The following EPB41L5 variants were observed in gnomAD, a reference collection of about 807,000 sequenced individuals.
The protein encoded by EPB41L5 is erythrocyte membrane protein band 4.1 like 5, also known as band 4.1-like protein 5.
In EPB41L5, 55 loss-of-function variants were observed where a neutral mutation model predicts 106.6. The ratio of observed to expected loss-of-function variants is 0.52; its 90% CI spans 0.42 to 0.65. The LOEUF is 0.65. Among genes scored for constraint, EPB41L5 ranks in the 30% least tolerant of loss-of-function variants. The pLI is 0.00. For missense variants in EPB41L5, 871 were observed against 882.1 expected, an observed-to-expected ratio of 0.99 and a Z score of 0.16; for synonymous variants, 297 against 306.7, an observed-to-expected ratio of 0.97 and a Z score of 0.33.
chr2:120,050,697 G>T (rs558730853), intron 3 of EPB41L5, among the ~76,000 whole-genome samples: 39 of 152,338 alleles, frequency 2.6e-4, no homozygotes, highest in African/African-American at 9.1e-4. Flanking sequence ...TCCGTTTGTG[G>T]CGAGGAGCTG....
At chr2:120,031,732 CTAAT>C (rs374897144) in intron 2 of EPB41L5, among the ~76,000 whole-genome samples, 19 of 152,104 alleles carry the variant, frequency 1.2e-4, no homozygotes, top group African/African-American at 4.6e-4. Context: ...TGGCTTTACA[CTAAT>C]TAGAATTATG....
chr2:120,141,258 T>C (rs59179868), intron 18 of EPB41L5, among the ~76,000 whole-genome samples: 1 of 152,090 alleles, frequency 6.6e-6, no homozygotes, highest in Non-Finnish European at 1.5e-5. Flanking sequence ...CAGGAAACTT[T>C]AGCCCTGTCT....
intron 18 of EPB41L5, among the ~76,000 whole-genome samples, chr2:120,138,426 T>G (rs1455307798): frequency 1.3e-5 from 2 of 151,894 alleles, no homozygotes; most frequent in Non-Finnish European, 2.9e-5. Context: ...ATGATACTAT[T>G]TTATATTTGG....
In EPB41L5 at chr2:120,056,763, T is replaced by A. The variant is rs11889249; in HGVS notation, c.285+14653T>A. On this transcript the variant is annotated intron_variant, in intron 3 of 24. Transcript: ENST00000263713. ...CCTCTTGTATTTTTTTGGAAAATCTTGTGAAGGATTAGTGTTAATTCTTTC... is the reference window on the plus strand; with the variant it reads ...CCTCTTGTATTTTTTTGGAAAATCTAGTGAAGGATTAGTGTTAATTCTTTC... Among the ~76,000 whole-genome samples, 1,181 of 152,260 alleles carry A rather than the reference T, an allele frequency of 7.8e-3. 12 individuals carry two copies. Among genetic ancestry groups the A allele is most frequent in the African/African-American group, 0.026 (1,085 of 41,558 alleles).
In EPB41L5 at chr2:120,049,115, G is replaced by T. The variant is rs184186995; in HGVS notation, c.285+7005G>T. Among the ~76,000 whole-genome samples the T allele has an allele frequency of 1.2e-4, 18 of 152,290 alleles. No individual in the cohort carries two copies. The East Asian group carries it at 1.9e-3, about 16-fold the overall frequency. On this transcript the variant is annotated intron_variant, in intron 3 of 24. Transcript: ENST00000263713. ...TCAGTTTTGGAGTAAGTGTGATGTG[G>T]TGCTGAGAAGAATGTATATTCTGCT... is the stretch of plus-strand genomic sequence containing the variant.
At chr2:120,083,263 C>A (rs1322134566) in intron 10 of EPB41L5, among the ~76,000 whole-genome samples, 1 of 152,186 alleles carries the variant, frequency 6.6e-6, no homozygotes, top group Non-Finnish European at 1.5e-5. Flanking sequence ...TTTCCCCCTA[C>A]ACACTGCTTT....
rs1684491706 is a variant in EPB41L5 at position 120,106,987 on chromosome 2, T to G, written c.1337+6173T>G. 4.6e-6 allele frequency: 4 copies of G among 868,272 alleles called. No individual in the cohort carries two copies. The African/African-American group carries it at 7.3e-5, about 16-fold the overall frequency. The allele number at this position is 868,272 out of a possible 1,614,324, so 53.8% of individuals were successfully genotyped here. A position where few individuals can be genotyped will look rare whatever the true frequency, so the allele number is the denominator to read the frequency against. ...CACTAATATTGTAATACCAGTATAA[T>G]TCAAATCATCTTTTTTTTTTTGGAG... On this transcript the variant is annotated intron_variant, in intron 16 of 24. Coordinates refer to ENST00000263713, the MANE Select transcript of EPB41L5 (RefSeq NM_020909.4).
rs1558923574 is a variant in EPB41L5 at position 120,175,149 on chromosome 2, TACAAATTCCCGAAAGAA to T, written c.*243_*259del. ...GAACTTTCTATACTTTTATAAATGT[TACAAATTCCCGAAAGAA>T]GGGAATTTCTTTTTCTGGGGTTTCC... is the stretch of plus-strand genomic sequence containing the variant. On this transcript the variant is annotated 3_prime_UTR_variant, in exon 25 of 25. Transcript: ENST00000263713. 8.5e-6 allele frequency: 4 copies of T among 467,860 alleles called. No individual in the cohort carries two copies. Among genetic ancestry groups the T allele is most frequent in the Non-Finnish European group, 1.2e-5 (3 of 256,562 alleles). 29.0% of individuals were successfully genotyped at this position (467,860 alleles called of 1,614,324 possible). A position where few individuals can be genotyped will look rare whatever the true frequency, so the allele number is the denominator to read the frequency against.
chr2:120,092,320 C>G (rs535426129), intron 13 of EPB41L5, among the ~76,000 whole-genome samples: 2 of 151,968 alleles, frequency 1.3e-5, no homozygotes, highest in African/African-American at 2.4e-5. Context: ...CATGCCTGGC[C>G]AAAACATTGT....
intron 17 of EPB41L5, among the ~76,000 whole-genome samples, chr2:120,130,521 C>T (rs1302745925): frequency 6.6e-6 from 1 of 152,084 alleles, no homozygotes; most frequent in African/African-American, 2.4e-5. Flanking sequence ...TTAACAACAA[C>T]AAAAAGAGTA....
chr2:120,092,540 C>G (rs1410300519), intron 13 of EPB41L5, among the ~76,000 whole-genome samples: 4 of 152,098 alleles, frequency 2.6e-5, no homozygotes, highest in African/African-American at 9.7e-5. Context: ...TGGTTTTAAA[C>G]TGAATTTGCA....
chr2:120,103,033 T>G (rs1161843412), intron 16 of EPB41L5, among the ~76,000 whole-genome samples: 4 of 152,198 alleles, frequency 2.6e-5, no homozygotes, highest in Non-Finnish European at 4.4e-5. Context: ...GATGATTTTG[T>G]TATTAAAAAA....
chr2:120,170,200 T>C (rs577534006), intron 24 of EPB41L5, among the ~76,000 whole-genome samples: 1 of 152,358 alleles, frequency 6.6e-6, no homozygotes, highest in African/African-American at 2.4e-5. Flanking sequence ...AATGTAGCAG[T>C]ATAGATGAAT....
chr2:120,025,011 G>A (rs1678212357), intron 2 of EPB41L5, among the ~76,000 whole-genome samples: 1 of 152,148 alleles, frequency 6.6e-6, no homozygotes, highest in South Asian at 2.1e-4. Context: ...GGATGATGCT[G>A]GCCTCATAAA....
At chr2:120,173,452 G>A (rs1195826170) in intron 24 of EPB41L5, among the ~76,000 whole-genome samples, 1 of 152,086 alleles carries the variant, frequency 6.6e-6, no homozygotes, top group Non-Finnish European at 1.5e-5. Context: ...GTATATCTGG[G>A]GTGGGGTCTA....
chr2:120,094,452 T>A (rs1683615477), intron 14 of EPB41L5, among the ~76,000 whole-genome samples: 1 of 146,508 alleles, frequency 6.8e-6, no homozygotes, highest in Non-Finnish European at 1.5e-5. Context: ...CCTTTCTGAT[T>A]TTTAGTATTT....
intron 16 of EPB41L5, among the ~76,000 whole-genome samples, chr2:120,118,980 C>A (rs1685082552): frequency 6.6e-6 from 1 of 152,212 alleles, no homozygotes; most frequent in Admixed American, 6.5e-5. Flanking sequence ...TTTTTCTCCA[C>A]AACCTCACCA....
intron 10 of EPB41L5, among the ~76,000 whole-genome samples, chr2:120,080,615 A>G (rs1682580844): frequency 3.9e-5 from 6 of 152,230 alleles, no homozygotes; most frequent in Admixed American, 3.9e-4. Context: ...TCCTTTGGGT[A>G]TATACCCAGT....
At chr2:120,163,265 C>CG (rs1687216738) in intron 21 of EPB41L5, among the ~76,000 whole-genome samples, 1 of 137,664 alleles carries the variant, frequency 7.3e-6, no homozygotes, top group Non-Finnish European at 1.6e-5. Flanking sequence ...TCTGCCCCCC[C>CG]CCCCCCCAAA....
Sources: allele counts gnomAD v4.1 joint callset (sites outside exome capture counted in the v4.1 genomes callset), GRCh38; gene constraint gnomAD v4.1.1; transcripts MANE v1.5; gene names NCBI Gene and HGNC (gene_info 2026-07-23, HGNC 2026-07-21).